The following MARCHF8 variants were observed in gnomAD, a reference collection of about 807,000 sequenced individuals.
MARCHF8 encodes membrane associated ring-CH-type finger 8.
In MARCHF8, 40 loss-of-function variants were observed where a neutral mutation model predicts 51.6. That is an observed-to-expected ratio of 0.77 (90% confidence interval 0.60 to 1.01). The LOEUF (loss-of-function observed/expected upper bound fraction) is 1.01, where lower values mean the gene tolerates loss of function less well. MARCHF8 is among the 50% of genes least tolerant of loss of function. The pLI, the probability that MARCHF8 is intolerant of heterozygous loss-of-function variation, is 0.00. For missense variants in MARCHF8, 685 were observed against 708.6 expected, an observed-to-expected ratio of 0.97 and a Z score of 0.38; for synonymous variants, 263 against 280.3, an observed-to-expected ratio of 0.94 and a Z score of 0.62.
chr10:45,474,422 G>A (rs1049098418), intron 3 of MARCHF8, among the ~76,000 whole-genome samples: 27 of 151,936 alleles, frequency 1.8e-4, no homozygotes, highest in African/African-American at 6.5e-4. Flanking sequence ...GCTCACAGCA[G>A]AGATGGAAAG....
At chr10:45,586,754 T>C (rs1331604007) in intron 1 of MARCHF8, among the ~76,000 whole-genome samples, 1 of 152,130 alleles carries the variant, frequency 6.6e-6, no homozygotes, top group African/African-American at 2.4e-5. Flanking sequence ...AATACCTTAT[T>C]TTGTGAAGTT....
intron 3 of MARCHF8, among the ~76,000 whole-genome samples, chr10:45,468,382 G>A (rs4948675): frequency 0.17 from 25,119 of 152,102 alleles, 2,760 homozygotes; most frequent in Admixed American, 0.31. Context: ...GGCCTCTGGC[G>A]CCTTCTGCCA....
At chr10:45,567,623 A>G (rs867248409) in intron 1 of MARCHF8, among the ~76,000 whole-genome samples, 5 of 152,056 alleles carry the variant, frequency 3.3e-5, no homozygotes, top group African/African-American at 1.2e-4. Flanking sequence ...TCGGTTCTCT[A>G]TTCTGTTCCA....
chr10:45,512,099 C>T (rs77670519), intron 2 of MARCHF8, among the ~76,000 whole-genome samples: 4 of 149,398 alleles, frequency 2.7e-5, no homozygotes, highest in East Asian at 2.0e-4. Flanking sequence ...TCTGCCCCGC[C>T]GCCCCGTCTG....
rs370400917 is a variant in MARCHF8, at chr10:45,546,138, T to TTTTATTTATTTA, written c.-78-12861_-78-12850dup. Among the ~76,000 whole-genome samples the TTTTATTTATTTA allele has an allele frequency of 5.7e-3, 841 of 147,784 alleles. 6 individuals carry two copies. Among genetic ancestry groups the TTTTATTTATTTA allele is most frequent in the African/African-American group, 0.015 (614 of 39,726 alleles). ...TTTAAAATATAAAAATGAGCTGAAT[T>TTTTATTTATTTA]TTTATTTATTTATTTATTTATTTAT... On this transcript the variant is annotated intron_variant, in intron 1 of 6. Coordinates refer to the MARCHF8 transcript ENST00000319836.
rs1003144133 is a variant in MARCHF8 at position 45,500,316 on chromosome 10, A to AT, written c.103-10900dup. 6.0e-4 allele frequency among the ~76,000 whole-genome samples: 92 copies of AT among 152,136 alleles called. No individual in the cohort carries two copies. The Middle Eastern group carries it at 0.01, about 17-fold the overall frequency. On this transcript the variant is annotated intron_variant, in intron 2 of 7. Transcript: ENST00000453424. ...AACTTTGCTGAATTCATTTAGTCTG[A>AT]TTTTTTGTTTGTTTTGCATGGAAAC...
At chr10:45,503,424 T>C (rs1323556761) in intron 2 of MARCHF8, among the ~76,000 whole-genome samples, 1 of 151,980 alleles carries the variant, frequency 6.6e-6, no homozygotes, top group African/African-American at 2.4e-5. Flanking sequence ...TAATCCCAGC[T>C]ACTCAGGATG....
At chr10:45,496,289 A>C (rs2043174175) in intron 2 of MARCHF8, among the ~76,000 whole-genome samples, 1 of 152,164 alleles carries the variant, frequency 6.6e-6, no homozygotes, top group Non-Finnish European at 1.5e-5. Flanking sequence ...TTCTTAAATA[A>C]TTTAAAAAGG....
At chr10:45,487,291 G>A (rs569542122) in intron 3 of MARCHF8, among the ~76,000 whole-genome samples, 1 of 151,948 alleles carries the variant, frequency 6.6e-6, no homozygotes, top group Non-Finnish European at 1.5e-5. Flanking sequence ...TTTGCAAACA[G>A]TTTTTTTTAA....
chr10:45,562,624 C>T (rs569939976), intron 1 of MARCHF8, among the ~76,000 whole-genome samples: 5 of 152,066 alleles, frequency 3.3e-5, no homozygotes, highest in East Asian at 1.9e-4. Context: ...AAAGAAACCT[C>T]GTCCTTAGAT....
intron 3 of MARCHF8, among the ~76,000 whole-genome samples, chr10:45,488,921 C>T (rs886091426): frequency 2.6e-5 from 4 of 152,142 alleles, no homozygotes; most frequent in African/African-American, 7.2e-5. Flanking sequence ...AGTGGCACCC[C>T]GAACAGCCAC....
intron 1 of MARCHF8, among the ~76,000 whole-genome samples, chr10:45,564,087 C>T (rs995315921): frequency 1.3e-5 from 2 of 152,100 alleles, no homozygotes; most frequent in African/African-American, 4.8e-5. Flanking sequence ...ACCAGCCTGG[C>T]CAACATGGTG....
chr10:45,472,033 G>C (rs550625732), intron 3 of MARCHF8, among the ~76,000 whole-genome samples: 7 of 152,220 alleles, frequency 4.6e-5, no homozygotes, highest in Non-Finnish European at 7.3e-5. Context: ...AGAACTCTAA[G>C]AGCGAACCCT....
chr10:45,514,445 T>TGCCACCCTACAGCTGCCAGCAGCA (rs1297849638), intron 2 of MARCHF8, among the ~76,000 whole-genome samples: 1 of 152,270 alleles, frequency 6.6e-6, no homozygotes, highest in African/African-American at 2.4e-5. Flanking sequence ...GCACAGCAGC[T>TGCCACCCTACAGCTGCCAGCAGCA]GCCACCCTAC....
intron 2 of MARCHF8, among the ~76,000 whole-genome samples, chr10:45,507,943 A>G (rs1275949332): frequency 6.6e-6 from 1 of 152,128 alleles, no homozygotes; most frequent in Non-Finnish European, 1.5e-5. Flanking sequence ...ATCTGCCCTT[A>G]GTAAGAGATT....
chr10:45,482,804 A>G (rs1348868615), intron 3 of MARCHF8, among the ~76,000 whole-genome samples: 4 of 152,168 alleles, frequency 2.6e-5, no homozygotes, highest in African/African-American at 4.8e-5. Context: ...ACACAGAACA[A>G]TAGAACAAAA....
chr10:45,577,885 G>A (rs777959119), intron 1 of MARCHF8, among the ~76,000 whole-genome samples: 36 of 152,164 alleles, frequency 2.4e-4, no homozygotes, highest in Admixed American at 3.9e-4. Flanking sequence ...GCTGGGCATG[G>A]TGGCCCATGT....
intron 3 of MARCHF8, among the ~76,000 whole-genome samples, chr10:45,470,056 T>C (rs1237610657): frequency 6.6e-6 from 1 of 152,112 alleles, no homozygotes; most frequent in Non-Finnish European, 1.5e-5. Flanking sequence ...AGCAAATGGC[T>C]CTTACAGATC....
At chr10:45,576,504 C>A (rs2044490611) in intron 1 of MARCHF8, among the ~76,000 whole-genome samples, 1 of 152,112 alleles carries the variant, frequency 6.6e-6, no homozygotes, top group African/African-American at 2.4e-5. Context: ...AGTACCACCC[C>A]CTCATGGTGT....
Sources: allele counts gnomAD v4.1 joint callset (sites outside exome capture counted in the v4.1 genomes callset), GRCh38; gene constraint gnomAD v4.1.1; transcripts MANE v1.5; gene names NCBI Gene and HGNC (gene_info 2026-07-23, HGNC 2026-07-21).